MARS1: variants seen among roughly 807,000 people sequenced by gnomAD.
MARS1 encodes the protein methionyl-tRNA synthetase 1.
MARS1 carries 80 observed loss-of-function variants against 119.5 expected under a neutral mutation model. The ratio of observed to expected loss-of-function variants is 0.67; its 90% CI spans 0.56 to 0.81. MARS1 has a LOEUF of 0.81. Among genes scored for constraint, MARS1 ranks in the 30% least tolerant of loss-of-function variants. MARS1 has a pLI of 0.00. For synonymous variants in MARS1, 418 were observed against 433.4 expected, an observed-to-expected ratio of 0.96 and a Z score of 0.44; for missense variants, 945 against 1,116.5, an observed-to-expected ratio of 0.85 and a Z score of 2.19.
intron 15 of MARS1, among the ~76,000 whole-genome samples, chr12:57,513,474 C>T (rs1176198475): frequency 5.3e-5 from 8 of 151,876 alleles, no homozygotes; most frequent in Non-Finnish European, 1.0e-4. Context: ...ATCAGCCAGG[C>T]GTGGTGGCGC....
intron 7 of MARS1, 113 bp from the exon 8 acceptor site, chr12:57,498,044 T>C (rs1876721978): frequency 2.7e-6 from 2 of 730,780 alleles, no homozygotes; most frequent in South Asian, 3.1e-5. Context: ...ACTTCAAGTG[T>C]ACATGAACAC....
rs1875766009 is a variant in MARS1, at chr12:57,489,573, G to A, written c.414+15G>A. 6.2e-7 allele frequency: 1 copy of A among 1,614,074 alleles called. No homozygotes were observed. Among genetic ancestry groups the A allele is most frequent in the Non-Finnish European group, 8.5e-7 (1 of 1,180,028 alleles). ...TCCTGGCTGGGGTGAGTTGGGTCTTGAGATGAGGACTGGGGAAGGCTTATG... is the reference window on the plus strand; with the variant it reads ...TCCTGGCTGGGGTGAGTTGGGTCTTAAGATGAGGACTGGGGAAGGCTTATG... On this transcript the variant is annotated intron_variant, in intron 4 of 20. Transcript: ENST00000262027.
intron 19 of MARS1, 116 bp downstream of exon 19, chr12:57,516,107 C>T: frequency 7.2e-7 from 1 of 1,379,430 alleles, no homozygotes; most frequent in Non-Finnish European, 1.0e-6. Flanking sequence ...GCCGCTTCCT[C>T]ACTTACAGTT....
At chr12:57,504,044 AT>A in intron 10 of MARS1, 180 bp from the exon 11 acceptor site, 1 of 599,536 alleles carries the variant, frequency 1.7e-6, no homozygotes, top group South Asian at 2.0e-5. Context: ...AAATGGAGTT[AT>A]ACTGAGAAGA....
rs1416449750 is a variant in MARS1, at chr12:57,492,668, T to TTC, written c.770+2025_770+2026dup. On this transcript the variant is annotated intron_variant, in intron 7 of 20. Coordinates refer to ENST00000262027, the MANE Select transcript of MARS1 (RefSeq NM_004990.4). Reference sequence around the variant, plus strand: ...CCTGGGCAACAGAGCGCGACTCCATTTCACACACACACACACACACACACA... The same window carrying TTC: ...CCTGGGCAACAGAGCGCGACTCCATTTCTCACACACACACACACACACACACA... Among the ~76,000 whole-genome samples the TTC allele has an allele frequency of 1.7e-3, 181 of 106,972 alleles. 2 individuals carry two copies. The highest frequency in any genetic ancestry group is 4.7e-3 in the African/African-American group (123 of 26,202). 70.2% of individuals were successfully genotyped at this position (106,972 alleles called of 152,430 possible).
chr12:57,497,525 A>T (rs1876692684), intron 7 of MARS1, among the ~76,000 whole-genome samples: 1 of 152,180 alleles, frequency 6.6e-6, no homozygotes, highest in East Asian at 1.9e-4. Context: ...GGAATACTGC[A>T]TTGAGTGCCT....
At chr12:57,492,953 A>G (rs1048068574) in intron 7 of MARS1, among the ~76,000 whole-genome samples, 1 of 151,820 alleles carries the variant, frequency 6.6e-6, no homozygotes, top group African/African-American at 2.4e-5. Flanking sequence ...ATTGTCTCTC[A>G]CCTCTGTGCC....
intron 7 of MARS1, among the ~76,000 whole-genome samples, chr12:57,493,516 A>ATAT (rs1565640288): frequency 3.7e-4 from 2 of 5,398 alleles, no homozygotes; most frequent in Non-Finnish European, 4.1e-4. Context: ...AATATATAAT[A>ATAT]TATAATATAT....
chr12:57,509,093 T>C (rs1877387015), intron 11 of MARS1, among the ~76,000 whole-genome samples: 1 of 152,216 alleles, frequency 6.6e-6, no homozygotes, highest in Non-Finnish European at 1.5e-5. Context: ...TTCAATTTCT[T>C]ATAATCCTTT....
In MARS1 at chr12:57,492,669, TCACACACACACACACACACACA is replaced by T. The variant is rs58931225; in HGVS notation, c.770+2050_770+2071del. Among the ~76,000 whole-genome samples the T allele has an allele frequency of 2.7e-3, 372 of 139,552 alleles. 1 individual carries two copies. Among genetic ancestry groups the T allele is most frequent in the East Asian group, 4.8e-3 (23 of 4,784 alleles). The allele number at this position is 139,552 out of a possible 152,430, so 91.6% of individuals were successfully genotyped here. ...CTGGGCAACAGAGCGCGACTCCATT[TCACACACACACACACACACACA>T]CACACACACACACACACACACACAG... On this transcript the variant is annotated intron_variant, in intron 7 of 20. Coordinates refer to ENST00000262027, the MANE Select transcript of MARS1 (RefSeq NM_004990.4).
At chr12:57,493,919 A>G (rs1271179283) in intron 7 of MARS1, among the ~76,000 whole-genome samples, 1 of 76,152 alleles carries the variant, frequency 1.3e-5, no homozygotes, top group African/African-American at 5.8e-5. Context: ...TATATAATAT[A>G]TATAATATAT....
At chr12:57,489,383 G>A (rs1284078158) in intron 3 of MARS1, 38 bp downstream of exon 3, 4 of 1,614,190 alleles carry the variant, frequency 2.5e-6, no homozygotes, top group Non-Finnish European at 2.5e-6. Flanking sequence ...GCAGGCCCTT[G>A]TTCTGCGTGG....
At position 57,516,506 on chromosome 12, in the gene MARS1, C is replaced by G. The variant is rs143534098; in HGVS notation, c.2628C>G (p.Leu876=). 2 of 1,613,502 alleles carry G rather than the reference C, an allele frequency of 1.2e-6. No homozygotes were observed. The highest frequency in any genetic ancestry group is 2.7e-5 in the African/African-American group (2 of 74,866). ...KNEVAAEVAK[L]LDLKKQLAVA... is the part of the protein sequence containing the mutation. ...AGGTTGCTGCGGAGGTGGCGAAACTCTTGGATCTAAAGAAACAGTTGGCTG... is the reference window on the plus strand; with the variant it reads ...AGGTTGCTGCGGAGGTGGCGAAACTGTTGGATCTAAAGAAACAGTTGGCTG... Residue 876 remains leucine, a synonymous_variant, in exon 21 of 21, where the codon CTC becomes CTG. Transcript: ENST00000262027.
intron 15 of MARS1, 43 bp downstream of exon 15, chr12:57,513,007 G>A (rs759021243): frequency 1.3e-6 from 2 of 1,539,906 alleles, no homozygotes; most frequent in South Asian, 2.2e-5. Flanking sequence ...GAGCTGGGGT[G>A]GGGCTCATTT....
At chr12:57,514,075 TA>T (rs1283189790) in intron 15 of MARS1, among the ~76,000 whole-genome samples, 186 of 126,220 alleles carry the variant, frequency 1.5e-3, no homozygotes, top group South Asian at 2.3e-3. Flanking sequence ...AAAAAAAAAT[TA>T]AAAAAAAAAA....
At chr12:57,490,042 T>C in intron 5 of MARS1, 71 bp downstream of exon 5, 1 of 1,499,340 alleles carries the variant, frequency 6.7e-7, no homozygotes, top group Non-Finnish European at 9.3e-7. Flanking sequence ...AGTAGAATAC[T>C]GAGAACTCCC....
intron 1 of MARS1, 121 bp downstream of exon 1, chr12:57,488,320 C>T: frequency 1.0e-5 from 9 of 899,492 alleles, no homozygotes; most frequent in South Asian, 9.5e-5. Context: ...GACCACTTCT[C>T]CTATTATCCT....
At chr12:57,488,268 C>A in intron 1 of MARS1, 69 bp downstream of exon 1, 2 of 1,449,824 alleles carry the variant, frequency 1.4e-6, no homozygotes, top group Non-Finnish European at 1.9e-6. Flanking sequence ...TTCTCTGCAG[C>A]TGTCTTTGCC....
chr12:57,501,051 G>A (rs1876894336), intron 10 of MARS1, among the ~76,000 whole-genome samples: 1 of 152,218 alleles, frequency 6.6e-6, no homozygotes, highest in African/African-American at 2.4e-5. Flanking sequence ...TCTAACTTAG[G>A]TAGATAGGGA....
Sources: allele counts gnomAD v4.1 joint callset (sites outside exome capture counted in the v4.1 genomes callset), GRCh38; gene constraint gnomAD v4.1.1; transcripts MANE v1.5; gene names NCBI Gene and HGNC (gene_info 2026-07-23, HGNC 2026-07-21).